HTT: variants seen among roughly 807,000 people sequenced by gnomAD.
HTT encodes huntington disease protein.
In HTT, 104 loss-of-function variants were observed where a neutral mutation model predicts 362.3. The observed-to-expected ratio is 0.29, with a 90% CI of 0.24 to 0.34. The LOEUF (loss-of-function observed/expected upper bound fraction) is 0.34, where lower values mean the gene tolerates loss of function less well. Among genes scored for constraint, HTT ranks in the 10% least tolerant of loss-of-function variants. The probability of loss-of-function intolerance (pLI) is 1.00; values close to 1 mark genes in which losing one functional copy is unlikely to be tolerated. For synonymous variants in HTT, 1,577 were observed against 1,548.7 expected (o/e 1.02, Z -0.43); for missense variants, 3,301 against 3,928.6 (o/e 0.84, Z 4.27).
rs758246791 is a variant in HTT, at chr4:3,207,350, G to C, written c.6145G>C (p.Ala2049Pro). 2 of 1,611,624 alleles carry C rather than the reference G, an allele frequency of 1.2e-6. No homozygotes were observed. The change falls in exon 45 of 67, where the codon GCT becomes CCT. Residue 2049 changes from alanine (A) to proline (P), a missense_variant. Ala to Pro is a conservative substitution (Grantham distance 27, BLOSUM62 -1). Around this residue, in one of 4 missense-constraint regions of HTT, gnomAD observed 2,316 missense variants for 2,658.5 expected, o/e 0.87. Transcript: ENST00000355072. ...IQEYLQSSGL[A>P]QRHQRLYSLL... ...GGAATACCTTCAGAGCAGCGGGCTCGCTCAGAGGTAATGCTGGAAACACAG... is the reference window on the plus strand; with the variant it reads ...GGAATACCTTCAGAGCAGCGGGCTCCCTCAGAGGTAATGCTGGAAACACAG...
At chr4:3,238,049 C>T (rs362310) in intron 64 of HTT, among the ~76,000 whole-genome samples, 24,854 of 152,184 alleles carry the variant, frequency 0.16, 2,892 homozygotes, top group African/African-American at 0.33. Context: ...CTTCCCGCTG[C>T]GCCGTTTCTG....
At position 3,169,253 on chromosome 4, in the gene HTT, C is replaced by T. The variant is rs562065587; in HGVS notation, c.3865-3067C>T. Among the ~76,000 whole-genome samples, 6 of 152,174 alleles carry T rather than the reference C, an allele frequency of 3.9e-5. No individual in the cohort carries two copies. The South Asian group carries it at 6.2e-4, about 16-fold the overall frequency. The stretch of plus-strand genomic sequence containing the variant: ...CAGGATGGTCTCAATCTCCTGACCT[C>T]GTGATCTGCCCGCCTGGGCCTCCCA... On this transcript the variant is annotated intron_variant, in intron 29 of 66. Coordinates refer to ENST00000355072, the MANE Select transcript of HTT (RefSeq NM_001388492.1).
intron 1 of HTT, among the ~76,000 whole-genome samples, chr4:3,081,246 G>T (rs1271190575): frequency 6.6e-6 from 1 of 152,174 alleles, no homozygotes; most frequent in African/African-American, 2.4e-5. Context: ...TGGTCAGATT[G>T]TAAGTATTTC....
chr4:3,143,094 A>T (rs1716424800), intron 23 of HTT, among the ~76,000 whole-genome samples: 1 of 152,202 alleles, frequency 6.6e-6, no homozygotes. Context: ...TGATTATTAA[A>T]GTAATACACG....
chr4:3,138,520 T>A (rs1376380952), intron 21 of HTT, among the ~76,000 whole-genome samples: 1 of 152,172 alleles, frequency 6.6e-6, no homozygotes, highest in Non-Finnish European at 1.5e-5. Flanking sequence ...ACTACCAGAA[T>A]GTGATTGTGC....
Position 3,209,927 on chromosome 4 carries a change from T to G in HTT, c.6392T>G (p.Met2131Arg). 1 of 1,614,096 alleles carries G rather than the reference T, an allele frequency of 6.2e-7. No homozygotes were observed. Among genetic ancestry groups the G allele is most frequent in the Non-Finnish European group, 8.5e-7 (1 of 1,179,958 alleles). Residue 2131 changes from methionine (M) to arginine (R), a missense_variant, in exon 47 of 67, where the codon ATG becomes AGG. Around this residue, in one of 4 missense-constraint regions of HTT, gnomAD observed 2,316 missense variants for 2,658.5 expected, o/e 0.87. Coordinates refer to ENST00000355072, the MANE Select transcript of HTT (RefSeq NM_001388492.1). ...ELVNRIPAEDMNAFMMNSEFN... is the reference protein window; with the variant it reads ...ELVNRIPAEDRNAFMMNSEFN... ...GTGAATCGGATTCCTGCTGAAGATA[T>G]GAATGCCTTCATGATGAACTCGGTA...
chr4:3,115,171 C>A, intron 6 of HTT, 133 bp from the exon 7 acceptor site: 1 of 885,358 alleles, frequency 1.1e-6, no homozygotes, highest in Non-Finnish European at 1.7e-6. Context: ...TTCAGTTCAG[C>A]TGTAGGAAAA....
Position 3,206,949 on chromosome 4 carries a change from G to T in HTT, c.6041G>T (p.Arg2014Leu), listed in dbSNP as rs781260492. ...CGCATGGTCGACATCCTTGCTTGTC[G>T]CCGGGTAGAAATGCTTCTGGCTGCA... ...LARMVDILAC[R>L]RVEMLLAANL... Residue 2014 changes from arginine (R) to leucine (L), a missense_variant, in exon 44 of 67, where the codon CGC becomes CTC. Arg to Leu is a moderately radical substitution (Grantham distance 102). Transcript: ENST00000355072. The surrounding 1 kb of genome is among the most constrained non-coding windows in gnomAD (Gnocchi z 4.6). 2 of 1,612,904 alleles carry T rather than the reference G, an allele frequency of 1.2e-6. No individual in the cohort carries two copies. The highest frequency in any genetic ancestry group is 1.7e-6 in the Non-Finnish European group (2 of 1,179,610).
At chr4:3,231,839 C>T (rs979244380) in intron 60 of HTT, among the ~76,000 whole-genome samples, 7 of 152,146 alleles carry the variant, frequency 4.6e-5, no homozygotes. Flanking sequence ...GCCCAGATCC[C>T]CCTAGGCAAG....
rs756956656 is a variant in HTT, at chr4:3,131,273, G to A, written c.1987-13G>A. ...GAGTATGAGACAAACAAGTGTCATT[G>A]TCTCCTTTCTAGCCTTGCCGCATCA... On this transcript the variant is annotated splice_polypyrimidine_tract_variant and intron_variant, in intron 14 of 66. Coordinates refer to ENST00000355072, the MANE Select transcript of HTT (RefSeq NM_001388492.1). 1.3e-6 allele frequency: 2 copies of A among 1,578,680 alleles called. No individual in the cohort carries two copies. Among genetic ancestry groups the A allele is most frequent in the African/African-American group, 1.3e-5 (1 of 74,152 alleles).
intron 2 of HTT, among the ~76,000 whole-genome samples, chr4:3,092,108 T>C (rs1268929823): frequency 1.3e-5 from 2 of 152,190 alleles, no homozygotes; most frequent in Non-Finnish European, 1.5e-5. Context: ...CTGCAACCTC[T>C]GCTTCCCGGG....
intron 26 of HTT, among the ~76,000 whole-genome samples, chr4:3,153,685 G>A (rs1458082722): frequency 6.6e-6 from 1 of 152,172 alleles, no homozygotes; most frequent in Non-Finnish European, 1.5e-5. Flanking sequence ...CACTTTGGGA[G>A]GCTGAGATGG....
At chr4:3,179,864 G>A (rs1209897180) in intron 35 of HTT, among the ~76,000 whole-genome samples, 1 of 150,668 alleles carries the variant, frequency 6.6e-6, no homozygotes, top group Non-Finnish European at 1.5e-5. Flanking sequence ...CTCTGTGTGT[G>A]TGCTCATGTG....
intron 26 of HTT, among the ~76,000 whole-genome samples, chr4:3,151,368 C>G (rs1024825053): frequency 2.0e-5 from 3 of 147,570 alleles, no homozygotes; most frequent in Non-Finnish European, 3.0e-5. Context: ...GAGAGAGAGA[C>G]AGAGAGAGAG....
chr4:3,091,860 A>G (rs1411165640), intron 2 of HTT, among the ~76,000 whole-genome samples: 1 of 152,076 alleles, frequency 6.6e-6, no homozygotes, highest in African/African-American at 2.4e-5. Context: ...GAAAATATAA[A>G]GCTTTAGATT....
chr4:3,077,722 T>A (rs1435718459), intron 1 of HTT, among the ~76,000 whole-genome samples: 1 of 152,230 alleles, frequency 6.6e-6, no homozygotes, highest in African/African-American at 2.4e-5. Context: ...CTGGCTAGAA[T>A]AATAACTTTT....
rs1286022764 is a variant in HTT, at chr4:3,206,844, G to A, written c.5936G>A (p.Gly1979Glu). ...AAGAAAACTCTTCAGTGCTTGGAGG[G>A]GATCCATCTCAGCCAGTCGGGAGCT... ...MLKKTLQCLE[G>E]IHLSQSGAVL... The change falls in exon 44 of 67, where the codon GGG becomes GAG. Residue 1979 changes from glycine (G) to glutamate (E), a missense_variant. This residue lies in a region of HTT where 2,316 missense variants were observed against 2,658.5 expected (regional missense o/e 0.87). Coordinates refer to ENST00000355072, the MANE Select transcript of HTT (RefSeq NM_001388492.1). This position sits in a 1 kb window ranked among gnomAD's most constrained non-coding sequence, Gnocchi z 4.6. 1 of 1,611,328 alleles carries A rather than the reference G, an allele frequency of 6.2e-7. No individual in the cohort carries two copies. Among genetic ancestry groups the A allele is most frequent in the Non-Finnish European group, 8.5e-7 (1 of 1,178,072 alleles).
intron 26 of HTT, among the ~76,000 whole-genome samples, chr4:3,151,833 T>C (rs1171202464): frequency 1.3e-5 from 2 of 152,218 alleles, no homozygotes; most frequent in African/African-American, 2.4e-5. Flanking sequence ...ATATGCATAC[T>C]TTATATTCTC....
chr4:3,214,164 C>T (rs1162601735), intron 50 of HTT, 29 bp downstream of exon 50: 1 of 1,427,282 alleles, frequency 7.0e-7, no homozygotes, highest in Non-Finnish European at 9.3e-7. Flanking sequence ...ACGGTGGGTT[C>T]CTATCATAGT....
Sources: gnomAD v4.1 joint callset for allele counts (sites outside exome capture counted in the v4.1 genomes callset) on GRCh38, gnomAD v4.1.1 for gene constraint, gnomAD v4.1.1 regional missense constraint, Gnocchi (gnomAD v3.1) non-coding constraint, MANE v1.5 for transcripts, NCBI Gene and HGNC (gene_info 2026-07-23, HGNC 2026-07-21) for gene names.